The following AGBL1 variants were observed in gnomAD, a reference collection of about 807,000 sequenced individuals.
AGBL1 encodes cytosolic carboxypeptidase 4.
AGBL1 carries 130 observed loss-of-function variants against 118.9 expected under a neutral mutation model. That is an observed-to-expected ratio of 1.09 (90% CI 0.95 to 1.26). The LOEUF (loss-of-function observed/expected upper bound fraction) is 1.26, where lower values mean the gene tolerates loss of function less well. AGBL1 is among the 50% of genes most tolerant of loss of function. AGBL1 has a pLI of 0.00. For missense variants in AGBL1, 1,584 were observed against 1,298.1 expected, an observed-to-expected ratio of 1.22 and a Z score of -3.38; for synonymous variants, 555 against 478.9, an observed-to-expected ratio of 1.16 and a Z score of -2.08.
intron 22 of AGBL1, among the ~76,000 whole-genome samples, chr15:86,763,842 T>C (rs2078060409): frequency 6.6e-6 from 1 of 152,054 alleles, no homozygotes; most frequent in Non-Finnish European, 1.5e-5. Flanking sequence ...CACCTATCTT[T>C]GGTGTTCCTT....
chr15:86,655,204 G>T (rs1346958718), intron 21 of AGBL1, among the ~76,000 whole-genome samples: 2 of 152,286 alleles, frequency 1.3e-5, no homozygotes, highest in Middle Eastern at 3.4e-3. Context: ...GGACAGGTGT[G>T]CAGGGCATTC....
chr15:87,003,818 G>A (rs62031588), intron 24 of AGBL1, among the ~76,000 whole-genome samples: 16,581 of 152,158 alleles, frequency 0.11, 1,054 homozygotes, highest in East Asian at 0.15. Flanking sequence ...GGGATCGGTG[G>A]TGATATCCGC....
intron 17 of AGBL1, among the ~76,000 whole-genome samples, chr15:86,336,222 C>T (rs2080366136): frequency 6.6e-6 from 1 of 152,198 alleles, no homozygotes; most frequent in African/African-American, 2.4e-5. Flanking sequence ...CATTCGATGT[C>T]TCAAACCACA....
chr15:86,247,902 C>G (rs376109215), intron 7 of AGBL1, 23 bp downstream of exon 7: 17 of 1,612,542 alleles, frequency 1.1e-5, no homozygotes, highest in East Asian at 2.2e-5. Flanking sequence ...GGGATTCACT[C>G]TGCAGCTGGA....
At chr15:86,346,934 A>G (rs1263261568) in intron 17 of AGBL1, among the ~76,000 whole-genome samples, 1 of 152,046 alleles carries the variant, frequency 6.6e-6, no homozygotes, top group Non-Finnish European at 1.5e-5. Flanking sequence ...GTCAACTTGG[A>G]AGGCTATGAA....
intron 5 of AGBL1, among the ~76,000 whole-genome samples, chr15:86,222,402 A>T (rs1419650394): frequency 6.6e-6 from 1 of 152,090 alleles, no homozygotes; most frequent in Admixed American, 6.6e-5. Context: ...ACCTAGCCTA[A>T]CTATTCCAGG....
At position 86,219,273 on chromosome 15, in the gene AGBL1, C is replaced by T. The variant is rs146717940; in HGVS notation, c.489-5641C>T. Among the ~76,000 whole-genome samples, 388 of 152,290 alleles carry T rather than the reference C, an allele frequency of 2.5e-3. 1 individual carries two copies. Among genetic ancestry groups the T allele is most frequent in the Admixed American group, 5.6e-3 (85 of 15,298 alleles). On this transcript the variant is annotated intron_variant, in intron 5 of 22. Transcript: ENST00000614907. ...CCTTCCATGATCCAAGAATGACATTCAAGTTATTAGGTTGGTCCAAATGTA... is the reference window on the plus strand; with the variant it reads ...CCTTCCATGATCCAAGAATGACATTTAAGTTATTAGGTTGGTCCAAATGTA...
chr15:86,456,328 A>G (rs940951688), intron 18 of AGBL1, among the ~76,000 whole-genome samples: 1 of 152,176 alleles, frequency 6.6e-6, no homozygotes, highest in Non-Finnish European at 1.5e-5. Flanking sequence ...TTCCATCCAT[A>G]CTGTTTCTCT....
chr15:86,368,165 C>T (rs1024614515), intron 17 of AGBL1, among the ~76,000 whole-genome samples: 1 of 152,030 alleles, frequency 6.6e-6, no homozygotes, highest in African/African-American at 2.4e-5. Context: ...ACCAAGATGC[C>T]ATAGCCCTAA....
intron 17 of AGBL1, among the ~76,000 whole-genome samples, chr15:86,346,228 A>T (rs2080534427): frequency 6.6e-6 from 1 of 152,088 alleles, no homozygotes; most frequent in Non-Finnish European, 1.5e-5. Context: ...TGATCTGCCC[A>T]TCTCGGCCTC....
At chr15:86,289,358 T>C (rs1422571904) in intron 16 of AGBL1, among the ~76,000 whole-genome samples, 1 of 152,196 alleles carries the variant, frequency 6.6e-6, no homozygotes, top group African/African-American at 2.4e-5. Context: ...TCAGGGTTTA[T>C]AACTTTACTA....
intron 21 of AGBL1, among the ~76,000 whole-genome samples, chr15:86,573,782 A>G (rs796882770): frequency 2.0e-5 from 3 of 152,326 alleles, no homozygotes; most frequent in African/African-American, 7.2e-5. Flanking sequence ...CCCCGAAGGC[A>G]GACAGAATCG....
rs866214444 is a variant in AGBL1 at position 86,446,397 on chromosome 15, A to G, written c.2555+48851A>G. Among the ~76,000 whole-genome samples, 11 of 152,226 alleles carry G rather than the reference A, an allele frequency of 7.2e-5. No homozygotes were observed. In the South Asian group the frequency reaches 8.3e-4, roughly 11 times the overall value. ...AGAGAAGCTCAAGGGAGCATTCTGCAACTTCATTGGCATAGCAAGCTGTAT... is the reference window on the plus strand; with the variant it reads ...AGAGAAGCTCAAGGGAGCATTCTGCGACTTCATTGGCATAGCAAGCTGTAT... On this transcript the variant is annotated intron_variant, in intron 18 of 22. Transcript: ENST00000614907.
intron 22 of AGBL1, among the ~76,000 whole-genome samples, chr15:86,728,015 A>T (rs1406853474): frequency 1.3e-5 from 2 of 152,228 alleles, no homozygotes; most frequent in East Asian, 3.8e-4. Flanking sequence ...TGCAAATGAT[A>T]TACAGGGAAA....
intron 17 of AGBL1, among the ~76,000 whole-genome samples, chr15:86,311,950 A>T (rs1361957193): frequency 6.6e-6 from 1 of 152,222 alleles, no homozygotes; most frequent in Non-Finnish European, 1.5e-5. Context: ...AGCATAGCTG[A>T]TCGATGTTCC....
chr15:86,317,042 C>T (rs188632657), intron 17 of AGBL1: 10 of 152,372 alleles, frequency 6.6e-5, no homozygotes, highest in Non-Finnish European at 1.0e-4. Context: ...TAGCATTATC[C>T]CCTCTTGCCA....
intron 19 of AGBL1, among the ~76,000 whole-genome samples, chr15:86,538,139 G>C (rs2083450371): frequency 6.6e-6 from 1 of 152,160 alleles, no homozygotes; most frequent in Non-Finnish European, 1.5e-5. Flanking sequence ...AGTTTAATGT[G>C]AAATTTTTCT....
intron 22 of AGBL1, among the ~76,000 whole-genome samples, chr15:86,810,778 A>T (rs914947177): frequency 6.6e-6 from 1 of 152,164 alleles, no homozygotes; most frequent in Non-Finnish European, 1.5e-5. Flanking sequence ...TCTCTAAAAC[A>T]TCCATAAGCT....
chr15:86,801,315 A>ATCTATCTG (rs1165863004), intron 22 of AGBL1, among the ~76,000 whole-genome samples: 2 of 112,690 alleles, frequency 1.8e-5, no homozygotes, highest in African/African-American at 7.9e-5. Context: ...GATTACATCT[A>ATCTATCTG]TCTATCTATC....
Sources: allele counts gnomAD v4.1 joint callset (sites outside exome capture counted in the v4.1 genomes callset), GRCh38; gene constraint gnomAD v4.1.1; transcripts MANE v1.5; gene names NCBI Gene and HGNC (gene_info 2026-07-23, HGNC 2026-07-21).